The following PLEKHM3 variants were observed in gnomAD, a reference collection of about 807,000 sequenced individuals.
PLEKHM3 encodes the protein pleckstrin homology domain containing M3.
Under a neutral mutation model 81.8 loss-of-function variants are expected in PLEKHM3, and 45 were observed. The observed-to-expected ratio is 0.55, with a 90% CI of 0.43 to 0.71. PLEKHM3 has a LOEUF of 0.71. PLEKHM3 is among the 30% of genes least tolerant of loss of function. The pLI is 0.00. For missense variants in PLEKHM3, 788 were observed against 924.3 expected (o/e 0.85, Z 1.91); for synonymous variants, 352 against 356.4 (o/e 0.99, Z 0.14).
At chr2:207,931,203 T>C in intron 4 of PLEKHM3, 84 bp from the exon 5 acceptor site, 2 of 1,262,856 alleles carry the variant, frequency 1.6e-6, no homozygotes, top group Non-Finnish European at 2.2e-6. Context: ...AGCTGAAATA[T>C]CAAAGGAACA....
chr2:207,964,238 G>T (rs1463770556), intron 3 of PLEKHM3, among the ~76,000 whole-genome samples: 2 of 152,066 alleles, frequency 1.3e-5, no homozygotes, highest in Non-Finnish European at 2.9e-5. Flanking sequence ...CCTCCTATGG[G>T]CTAAACCATT....
chr2:207,852,988 C>T (rs2092420406), intron 7 of PLEKHM3, among the ~76,000 whole-genome samples: 1 of 152,194 alleles, frequency 6.6e-6, no homozygotes, highest in African/African-American at 2.4e-5. Flanking sequence ...TCCAGGTCCA[C>T]CCCGCTACTG....
At chr2:207,868,569 A>G (rs2092515273) in intron 6 of PLEKHM3, 1 of 152,242 alleles carries the variant, frequency 6.6e-6, no homozygotes, top group South Asian at 2.1e-4. Flanking sequence ...AAATTAGGAC[A>G]GTATCCACTT....
chr2:207,918,877 G>A (rs533543848), intron 5 of PLEKHM3, among the ~76,000 whole-genome samples: 6 of 152,320 alleles, frequency 3.9e-5, no homozygotes, highest in African/African-American at 1.4e-4. Context: ...GCATGTGGCT[G>A]CATAGGTTGA....
intron 2 of PLEKHM3, among the ~76,000 whole-genome samples, chr2:207,990,525 T>A (rs1691865813): frequency 6.6e-6 from 1 of 152,212 alleles, no homozygotes; most frequent in Non-Finnish European, 1.5e-5. Context: ...CTCGACTATG[T>A]TCAAGCCAGA....
intron 1 of PLEKHM3, among the ~76,000 whole-genome samples, chr2:208,017,737 G>C (rs1002433408): frequency 6.6e-6 from 1 of 152,036 alleles, no homozygotes; most frequent in African/African-American, 2.4e-5. Flanking sequence ...TTCTGCCCCA[G>C]CTGAAACTTC....
intron 3 of PLEKHM3, among the ~76,000 whole-genome samples, chr2:207,960,887 T>C (rs1574446213): frequency 2.6e-5 from 4 of 152,340 alleles, no homozygotes; most frequent in Admixed American, 2.6e-4. Flanking sequence ...AAGAGATCAT[T>C]TGGGGAGCCT....
chr2:207,901,183 T>A, intron 6 of PLEKHM3: 1 of 693,470 alleles, frequency 1.4e-6, no homozygotes. Context: ...CTTTCTGATC[T>A]GGCTTCCACA....
intron 2 of PLEKHM3, among the ~76,000 whole-genome samples, chr2:207,985,861 A>G (rs1198057774): frequency 1.3e-5 from 2 of 151,780 alleles, no homozygotes; most frequent in South Asian, 2.1e-4. Flanking sequence ...GGTGGCAGGC[A>G]CCTGTAGTCC....
At chr2:207,956,675 A>T (rs1054415571) in intron 3 of PLEKHM3, among the ~76,000 whole-genome samples, 1 of 147,614 alleles carries the variant, frequency 6.8e-6, no homozygotes, top group African/African-American at 2.5e-5. Context: ...CCTCCTGGGT[A>T]TCAAAGGTTA....
At chr2:207,892,647 C>T (rs1218758719) in intron 6 of PLEKHM3, among the ~76,000 whole-genome samples, 1 of 152,172 alleles carries the variant, frequency 6.6e-6, no homozygotes, top group Non-Finnish European at 1.5e-5. Flanking sequence ...GCTGAATCAA[C>T]TTCTCTCGCC....
At chr2:207,932,295 G>A (rs539850618) in intron 4 of PLEKHM3, among the ~76,000 whole-genome samples, 2 of 152,298 alleles carry the variant, frequency 1.3e-5, no homozygotes, top group East Asian at 3.9e-4. Flanking sequence ...TACAGAGGGA[G>A]TGGCTTAAAT....
In PLEKHM3 at chr2:207,861,189, C is replaced by T; in HGVS notation, c.2024G>A (p.Ser675Asn). Residue 675 changes from serine to asparagine, a missense_variant, in exon 7 of 8, where the codon AGT (serine) becomes AAT (asparagine). By Grantham distance (46) the Ser-to-Asn change is conservative. Transcript: ENST00000427836. ...GATGAACCCCTTCTGGCTACAAAGA[C>T]TGCAGCTGTACACGTGTGAGGTGGC... ...KFATSHVYSC[S>N]LCSQKGFICE... 2 of 1,614,160 alleles carry T rather than the reference C, an allele frequency of 1.2e-6. No individual in the cohort carries two copies. The highest frequency in any genetic ancestry group is 2.2e-5 in the South Asian group (2 of 91,082).
chr2:207,948,075 G>A (rs909763663), intron 3 of PLEKHM3, among the ~76,000 whole-genome samples: 4 of 151,808 alleles, frequency 2.6e-5, no homozygotes, highest in Non-Finnish European at 4.4e-5. Flanking sequence ...CTTTACTATT[G>A]AGCAGCAAAA....
intron 1 of PLEKHM3, among the ~76,000 whole-genome samples, chr2:208,018,683 T>C (rs1693013388): frequency 6.6e-6 from 1 of 152,220 alleles, no homozygotes; most frequent in South Asian, 2.1e-4. Flanking sequence ...CTTCTTCCTT[T>C]CAGTCTTACC....
intron 1 of PLEKHM3, among the ~76,000 whole-genome samples, chr2:208,005,872 G>A (rs769345839): frequency 2.0e-5 from 3 of 152,056 alleles, no homozygotes; most frequent in African/African-American, 4.8e-5. Flanking sequence ...AAGAGATAGC[G>A]CCTCATGACC....
intron 7 of PLEKHM3, among the ~76,000 whole-genome samples, chr2:207,836,369 C>T (rs944121998): frequency 6.9e-6 from 1 of 145,884 alleles, no homozygotes; most frequent in African/African-American, 2.5e-5. Flanking sequence ...ATTTTATGAA[C>T]AGTCTTTGAC....
intron 2 of PLEKHM3, among the ~76,000 whole-genome samples, chr2:207,979,074 C>T (rs1206332449): frequency 6.6e-6 from 1 of 152,128 alleles, no homozygotes; most frequent in Non-Finnish European, 1.5e-5. Flanking sequence ...GCACAATGCT[C>T]AGCACATAGT....
intron 5 of PLEKHM3, among the ~76,000 whole-genome samples, chr2:207,928,753 C>T (rs987861362): frequency 9.2e-5 from 14 of 152,182 alleles, no homozygotes; most frequent in Non-Finnish European, 1.5e-4. Flanking sequence ...TAGAAGGACA[C>T]GGCAATAGCC....
Sources: gnomAD v4.1 joint callset for allele counts (sites outside exome capture counted in the v4.1 genomes callset) on GRCh38, gnomAD v4.1.1 for gene constraint, MANE v1.5 for transcripts, NCBI Gene and HGNC (gene_info 2026-07-23, HGNC 2026-07-21) for gene names.